Variants in FAT3 observed in about 807,000 individuals in gnomAD.
FAT3 encodes the protein protocadherin Fat 3.
FAT3 carries 95 observed loss-of-function variants against 310.2 expected under a neutral mutation model. The observed-to-expected ratio is 0.31, with a 90% CI of 0.26 to 0.36. FAT3 has a LOEUF of 0.36. FAT3 is among the 10% of genes least tolerant of loss of function. The pLI is 1.00. For synonymous variants in FAT3, 2,314 were observed against 2,192.9 expected (o/e 1.06, Z -1.54); for missense variants, 5,408 against 5,715.6 (o/e 0.95, Z 1.74).
chr11:92,728,701 G>A (rs1209989815), intron 4 of FAT3, among the ~76,000 whole-genome samples: 1 of 152,172 alleles, frequency 6.6e-6, no homozygotes, highest in Non-Finnish European at 1.5e-5. Flanking sequence ...GGTGTCAGCA[G>A]GGCCAGGCAC....
chr11:92,650,276 C>T (rs1198772288), intron 3 of FAT3, among the ~76,000 whole-genome samples: 2 of 152,142 alleles, frequency 1.3e-5, no homozygotes, highest in African/African-American at 4.8e-5. Context: ...TTCTGCTTTA[C>T]AAGATCTTAA....
intron 22 of FAT3, among the ~76,000 whole-genome samples, chr11:92,871,151 A>G (rs934913787): frequency 6.6e-6 from 1 of 152,202 alleles, no homozygotes; most frequent in Non-Finnish European, 1.5e-5. Flanking sequence ...CCTTTTCTCT[A>G]AACAAAAAAC....
chr11:92,261,678 G>T (rs1367271882), intron 1 of FAT3, among the ~76,000 whole-genome samples: 1 of 152,016 alleles, frequency 6.6e-6, no homozygotes, highest in African/African-American at 2.4e-5. Flanking sequence ...CCAAACGTTT[G>T]TATTATTCCA....
chr11:92,743,963 C>T (rs1035327415), intron 4 of FAT3, among the ~76,000 whole-genome samples: 6 of 152,184 alleles, frequency 3.9e-5, no homozygotes, highest in Non-Finnish European at 8.8e-5. Context: ...CATCCCTCAA[C>T]CTTGGACTTC....
At chr11:92,254,149 T>C (rs1028024901) in intron 1 of FAT3, among the ~76,000 whole-genome samples, 1 of 152,136 alleles carries the variant, frequency 6.6e-6, no homozygotes, top group Non-Finnish European at 1.5e-5. Context: ...CTCCCCAGTA[T>C]ACTGTGCTCC....
rs76120901 is a variant in FAT3 at position 92,394,118 on chromosome 11, A to G, written c.3292+38714A>G. 6.8e-3 allele frequency among the ~76,000 whole-genome samples: 1,030 copies of G among 152,302 alleles called. 14 individuals are homozygous for G. Among genetic ancestry groups the G allele is most frequent in the African/African-American group, 0.022 (930 of 41,574 alleles). On this transcript the variant is annotated intron_variant, in intron 2 of 27. Coordinates refer to ENST00000525166, the MANE Select transcript of FAT3 (RefSeq NM_001367949.2). ...ACTCAAGGAAAGAATAACATTGGCA[A>G]GTAAGACTTATTTAGGAGGCACTAT... is the stretch of plus-strand genomic sequence containing the variant.
At chr11:92,471,118 AT>A (rs1951892636) in intron 2 of FAT3, among the ~76,000 whole-genome samples, 1 of 152,124 alleles carries the variant, frequency 6.6e-6, no homozygotes, top group Admixed American at 6.6e-5. Context: ...TTTACTTTTT[AT>A]GACTATTATT....
chr11:92,257,610 C>A (rs1446911053), intron 1 of FAT3, among the ~76,000 whole-genome samples: 1 of 152,066 alleles, frequency 6.6e-6, no homozygotes, highest in East Asian at 1.9e-4. Context: ...TTCTCTGGAA[C>A]CTTTGAAAAA....
At chr11:92,294,409 C>A (rs1340748001) in intron 1 of FAT3, among the ~76,000 whole-genome samples, 1 of 152,026 alleles carries the variant, frequency 6.6e-6, no homozygotes, top group Non-Finnish European at 1.5e-5. Context: ...ACTTGTCCAA[C>A]AAACACTGCT....
chr11:92,827,928 T>G (rs1948141853), intron 13 of FAT3, among the ~76,000 whole-genome samples: 1 of 152,188 alleles, frequency 6.6e-6, no homozygotes. Context: ...ACACTTCTCT[T>G]GGTAACCTGG....
chr11:92,754,316 C>G (rs1184672950), intron 4 of FAT3, among the ~76,000 whole-genome samples: 1 of 151,870 alleles, frequency 6.6e-6, no homozygotes, highest in Non-Finnish European at 1.5e-5. Flanking sequence ...CAATGGAATA[C>G]TATTCAGCCT....
At chr11:92,244,432 C>A (rs907413680) in intron 1 of FAT3, among the ~76,000 whole-genome samples, 2 of 152,124 alleles carry the variant, frequency 1.3e-5, no homozygotes, top group African/African-American at 4.8e-5. Context: ...GCACAGATCA[C>A]AGCTTACCCT....
intron 1 of FAT3, among the ~76,000 whole-genome samples, chr11:92,267,003 G>A (rs1290630198): frequency 6.6e-6 from 1 of 152,116 alleles, no homozygotes; most frequent in Non-Finnish European, 1.5e-5. Flanking sequence ...TTTGGACTTT[G>A]CCACTGCTCC....
chr11:92,247,846 G>A (rs1192100083), intron 1 of FAT3, among the ~76,000 whole-genome samples: 1 of 151,442 alleles, frequency 6.6e-6, no homozygotes, highest in African/African-American at 2.4e-5. Flanking sequence ...GCATGAGCCT[G>A]TTGTTGCAGC....
At chr11:92,327,652 C>T (rs1043235287) in intron 1 of FAT3, among the ~76,000 whole-genome samples, 1 of 152,180 alleles carries the variant, frequency 6.6e-6, no homozygotes, top group Admixed American at 6.5e-5. Flanking sequence ...ATTGACTCCA[C>T]ACATGTTTAA....
chr11:92,532,410 A>G (rs1719830091), intron 3 of FAT3, among the ~76,000 whole-genome samples: 2 of 152,120 alleles, frequency 1.3e-5, no homozygotes, highest in Admixed American at 6.6e-5. Flanking sequence ...AGTTAAATAC[A>G]TTTGTATGTT....
chr11:92,469,120 G>A lies in FAT3; in HGVS notation c.3293-55514G>A, dbSNP rs555092482. 2.7e-4 allele frequency among the ~76,000 whole-genome samples: 41 copies of A among 152,188 alleles called. 1 individual carries two copies. The South Asian group carries it at 8.1e-3, about 30-fold the overall frequency. Reference sequence around the variant, plus strand: ...AACCATAGGGCTGATCAAGGTCATTGTATATGTTACTGATGATTAAAAAAT... The same window carrying A: ...AACCATAGGGCTGATCAAGGTCATTATATATGTTACTGATGATTAAAAAAT... On this transcript the variant is annotated intron_variant, in intron 2 of 27. Transcript: ENST00000525166.
chr11:92,894,868 G>T lies in FAT3; in HGVS notation c.*3755G>T, dbSNP rs138635698. The T allele has an allele frequency of 5.9e-5, 9 of 151,982 alleles. No homozygotes were observed. Among genetic ancestry groups the T allele is most frequent in the African/African-American group, 2.2e-4 (9 of 41,552 alleles). 9.4% of individuals were successfully genotyped at this position (151,982 alleles called of 1,614,324 possible). On this transcript the variant is annotated 3_prime_UTR_variant, in exon 28 of 28. Transcript: ENST00000525166. ...CTGGAACTTCCCTTGGACATTACTA[G>T]CACATTCTGGAAAAAAAGCAAGTTG...
intron 7 of FAT3, among the ~76,000 whole-genome samples, chr11:92,783,315 G>A (rs989143978): frequency 9.9e-5 from 12 of 121,476 alleles, no homozygotes; most frequent in African/African-American, 1.3e-4. Flanking sequence ...CCAAGACCAC[G>A]CCATTGCACT....
Sources: gnomAD v4.1 joint callset for allele counts (sites outside exome capture counted in the v4.1 genomes callset) on GRCh38, gnomAD v4.1.1 for gene constraint, MANE v1.5 for transcripts, NCBI Gene and HGNC (gene_info 2026-07-23, HGNC 2026-07-21) for gene names.